The following AFF2 variants were observed in gnomAD, a reference collection of about 807,000 sequenced individuals.
AFF2 encodes ALF transcription elongation factor 2.
A neutral mutation model predicts 76.9 loss-of-function variants in AFF2; 14 were observed. The observed-to-expected ratio is 0.18, with a 90% CI of 0.12 to 0.28. The LOEUF (loss-of-function observed/expected upper bound fraction) is 0.28, where lower values mean the gene tolerates loss of function less well. Among genes scored for constraint, AFF2 ranks in the 10% least tolerant of loss-of-function variants. AFF2 has a pLI of 1.00. For synonymous variants in AFF2, 398 were observed against 366.7 expected, an observed-to-expected ratio of 1.09 and a Z score of -0.98; for missense variants, 868 against 1,001.1, an observed-to-expected ratio of 0.87 and a Z score of 1.79.
chrX:148,824,755 G>T (rs1439567244), intron 4 of AFF2, among the ~76,000 whole-genome samples: 1 of 111,916 alleles, frequency 8.9e-6, no homozygotes, highest in Non-Finnish European at 1.9e-5. Flanking sequence ...ACAATTATAA[G>T]TTGGGTTCTG....
At chrX:148,860,097 T>C (rs1404300946) in intron 7 of AFF2, among the ~76,000 whole-genome samples, 2 of 112,079 alleles carry the variant, frequency 1.8e-5, no homozygotes, top group Non-Finnish European at 3.8e-5. Flanking sequence ...CTATTTATAG[T>C]CCAGCAGATT....
intron 3 of AFF2, among the ~76,000 whole-genome samples, chrX:148,709,349 T>G (rs151177348): frequency 9.0e-6 from 1 of 111,652 alleles, no homozygotes; most frequent in East Asian, 2.8e-4. Context: ...TTTAAGGATG[T>G]CTCTTACACA....
intron 1 of AFF2, among the ~76,000 whole-genome samples, chrX:148,565,518 T>C (rs2053159624): frequency 9.0e-6 from 1 of 111,724 alleles, no homozygotes; most frequent in Admixed American, 9.5e-5. Context: ...TTCTCTGTTA[T>C]CTTTAGCTTT....
At chrX:148,934,634 G>A (rs1162710629) in intron 9 of AFF2, among the ~76,000 whole-genome samples, 5 of 111,947 alleles carry the variant, frequency 4.5e-5, no homozygotes, top group South Asian at 7.6e-4. Context: ...AGTCTCATTC[G>A]AACCTTGATG....
Position 148,892,427 on chromosome X carries a change from C to A in AFF2, c.1359+6442C>A, listed in dbSNP as rs186711056. ...TTTAATCCAGGTCTTATATTTGATC[C>A]ATTTTGATTTGTTTGTTGTTTGGTG... On this transcript the variant is annotated intron_variant, in intron 8 of 20. Coordinates refer to ENST00000370460, the MANE Select transcript of AFF2 (RefSeq NM_002025.4). Among the ~76,000 whole-genome samples the A allele has an allele frequency of 5.4e-5, 6 of 110,180 alleles. No individual in the cohort carries two copies. The South Asian group carries it at 2.4e-3, about 43-fold the overall frequency.
At chrX:148,721,987 C>G (rs2055099049) in intron 3 of AFF2, among the ~76,000 whole-genome samples, 1 of 111,603 alleles carries the variant, frequency 9.0e-6, no homozygotes, top group Non-Finnish European at 1.9e-5. Flanking sequence ...TTCATCTTAA[C>G]CTCACAAATT....
At chrX:148,563,767 G>C (rs1438933796) in intron 1 of AFF2, among the ~76,000 whole-genome samples, 17 of 111,879 alleles carry the variant, frequency 1.5e-4, no homozygotes, top group Non-Finnish European at 3.8e-5. Context: ...TTCATGTGTA[G>C]GATTTCTAAC....
intron 7 of AFF2, among the ~76,000 whole-genome samples, chrX:148,846,594 T>C (rs1287716091): frequency 9.0e-6 from 1 of 111,253 alleles, no homozygotes; most frequent in African/African-American, 3.3e-5. Context: ...AGACCAGAAG[T>C]TGGTCTCCCA....
intron 3 of AFF2, among the ~76,000 whole-genome samples, chrX:148,765,568 T>G (rs1336304721): frequency 1.8e-5 from 2 of 111,698 alleles, no homozygotes; most frequent in African/African-American, 6.5e-5. Context: ...CATACAGCGT[T>G]TCTGGCTAGG....
chrX:148,927,590 A>C (rs1402962507), intron 9 of AFF2, among the ~76,000 whole-genome samples: 1 of 110,996 alleles, frequency 9.0e-6, no homozygotes, highest in African/African-American at 3.3e-5. Context: ...CCTGGAGGCT[A>C]GGTTAAAGGG....
chrX:148,790,970 CA>C (rs1340683542), intron 3 of AFF2, among the ~76,000 whole-genome samples: 1 of 112,006 alleles, frequency 8.9e-6, no homozygotes, highest in Non-Finnish European at 1.9e-5. Context: ...TAAATGGAAC[CA>C]ACCAACCAGT....
rs782699057 is a variant in AFF2 at position 148,987,558 on chromosome X, G to T, written c.3814+1G>T. ...GACAAACTGACAAGAGAAAACAAAG[G>T]TATGCTCATCTGTTCTACCCATATA... is the stretch of plus-strand genomic sequence containing the variant. On this transcript the variant is annotated splice_donor_variant, in intron 20 of 20. Coordinates refer to ENST00000370460, the MANE Select transcript of AFF2 (RefSeq NM_002025.4). LOFTEE classifies it high-confidence loss of function. 8.3e-7 allele frequency: 1 copy of T among 1,205,564 alleles called. No individual in the cohort carries two copies. Among genetic ancestry groups the T allele is most frequent in the Non-Finnish European group, 1.1e-6 (1 of 890,913 alleles).
At chrX:148,649,699 T>G (rs1189772177) in intron 1 of AFF2, among the ~76,000 whole-genome samples, 1 of 112,325 alleles carries the variant, frequency 8.9e-6, no homozygotes, top group Admixed American at 9.4e-5. Context: ...GAAAGTGCCC[T>G]TACTGCTGAT....
intron 3 of AFF2, among the ~76,000 whole-genome samples, chrX:148,752,947 A>G (rs1385132930): frequency 9.0e-6 from 1 of 111,543 alleles, no homozygotes; most frequent in African/African-American, 3.3e-5. Context: ...TTAAAACTCA[A>G]TCTTTTCTCC....
intron 11 of AFF2, among the ~76,000 whole-genome samples, chrX:148,957,830 T>C (rs1206911411): frequency 8.9e-6 from 1 of 112,352 alleles, no homozygotes; most frequent in Non-Finnish European, 1.9e-5. Flanking sequence ...CAGCTGACAG[T>C]GTACCTTCAA....
At chrX:148,795,324 T>C (rs1557270296) in intron 3 of AFF2, among the ~76,000 whole-genome samples, 1 of 110,997 alleles carries the variant, frequency 9.0e-6, no homozygotes, top group African/African-American at 3.3e-5. Context: ...GGTTAGATTA[T>C]CATTTATAAA....
At chrX:148,607,380 TC>T (rs2053682436) in intron 1 of AFF2, among the ~76,000 whole-genome samples, 1 of 110,864 alleles carries the variant, frequency 9.0e-6, no homozygotes, top group African/African-American at 3.3e-5. Flanking sequence ...GGGTGAGTTT[TC>T]CAGTGCTGTT....
At chrX:148,616,101 T>G (rs1557250290) in intron 1 of AFF2, among the ~76,000 whole-genome samples, 1 of 111,843 alleles carries the variant, frequency 8.9e-6, no homozygotes, top group Non-Finnish European at 1.9e-5. Context: ...CATGCTTACC[T>G]TGTTCTTGTC....
rs986953265 is a variant in AFF2 at position 148,938,209 on chromosome X, A to G, written c.1398-15371A>G. Among the ~76,000 whole-genome samples the G allele has an allele frequency of 1.8e-4, 20 of 112,247 alleles. 1 individual carries two copies. The highest frequency in any genetic ancestry group is 1.6e-3 in the Admixed American group (17 of 10,600). ...GTAGACAATTGAATTAATTGGAGAC[A>G]TGGTCATTAACTCGACCTGAATACC... On this transcript the variant is annotated intron_variant, in intron 9 of 20. Coordinates refer to ENST00000370460, the MANE Select transcript of AFF2 (RefSeq NM_002025.4).
Sources: gnomAD v4.1 joint callset for allele counts (sites outside exome capture counted in the v4.1 genomes callset) on GRCh38, gnomAD v4.1.1 for gene constraint, MANE v1.5 for transcripts, NCBI Gene and HGNC (gene_info 2026-07-23, HGNC 2026-07-21) for gene names.